SPATA13: variants seen among roughly 807,000 people sequenced by gnomAD.
SPATA13 encodes the protein spermatogenesis associated 13.
In SPATA13, 50 loss-of-function variants were observed where a neutral mutation model predicts 104.0. The observed-to-expected ratio is 0.48, with a 90% confidence interval of 0.38 to 0.61. The LOEUF (loss-of-function observed/expected upper bound fraction) is 0.61, where lower values mean the gene tolerates loss of function less well. Ranked by LOEUF, SPATA13 falls within the 20% of genes least tolerant of loss-of-function variation. SPATA13 has a pLI of 0.00. For synonymous variants in SPATA13, 606 were observed against 667.5 expected, an observed-to-expected ratio of 0.91 and a Z score of 1.42; for missense variants, 1,524 against 1,690.6, an observed-to-expected ratio of 0.90 and a Z score of 1.73.
chr13:24,118,500 G>A (rs375641139), intron 3 of SPATA13, among the ~76,000 whole-genome samples: 1 of 152,084 alleles, frequency 6.6e-6, no homozygotes, highest in Non-Finnish European at 1.5e-5. Context: ...TGTCAGATGT[G>A]GCTCATTCAT....
intron 2 of SPATA13, among the ~76,000 whole-genome samples, chr13:23,993,406 A>G (rs555690532): frequency 2.0e-5 from 3 of 152,352 alleles, no homozygotes; most frequent in South Asian, 2.1e-4. Flanking sequence ...TCTTCCTAGC[A>G]GTGTACTACC....
At chr13:24,142,926 G>A (rs1881809419) in intron 3 of SPATA13, among the ~76,000 whole-genome samples, 1 of 152,168 alleles carries the variant, frequency 6.6e-6, no homozygotes, top group South Asian at 2.1e-4. Context: ...CTCCTTTCTT[G>A]CAGGGCTGAA....
Position 24,278,911 on chromosome 13 carries a change from TC to T in SPATA13, c.2165-5222del. On this transcript the variant is annotated intron_variant, in intron 4 of 12. Coordinates refer to ENST00000382108, the MANE Select transcript of SPATA13 (RefSeq NM_001166271.3). Reference sequence around the variant, plus strand: ...TTCCTTCCTTCCTTCCTTCCTTCCTTCCTTCCTTCCTTCCCTCTTTCCTTCC... The same window carrying T: ...TTCCTTCCTTCCTTCCTTCCTTCCTTCTTCCTTCCTTCCCTCTTTCCTTCC... 8 of 1,264,724 alleles carry T rather than the reference TC, an allele frequency of 6.3e-6. No individual in the cohort carries two copies. The South Asian group carries it at 1.0e-4, about 16-fold the overall frequency. 78.3% of individuals were successfully genotyped at this position (1,264,724 alleles called of 1,614,324 possible).
upstream of SPATA13, among the ~76,000 whole-genome samples, chr13:24,160,389 G>C (rs1882418183): frequency 6.6e-6 from 1 of 152,132 alleles, no homozygotes; most frequent in South Asian, 2.1e-4. Flanking sequence ...GGGATCACAG[G>C]CGCCTGTCAC....
chr13:23,984,290 T>C (rs1316249596), intron 2 of SPATA13, among the ~76,000 whole-genome samples: 4 of 152,254 alleles, frequency 2.6e-5, no homozygotes, highest in African/African-American at 9.6e-5. Context: ...AGTTTCGGTA[T>C]TCACCAGTCA....
chr13:24,209,754 T>A (rs531175969), intron 1 of SPATA13, among the ~76,000 whole-genome samples: 57 of 152,214 alleles, frequency 3.7e-4, no homozygotes, highest in African/African-American at 1.4e-3. Context: ...TTTTGAGGTG[T>A]TGATTTCGTT....
rs201693503 is a variant in SPATA13 at position 24,286,178 on chromosome 13, G to A, written c.2302-36G>A. ...CTCCCTCACCATCCCGCCCACTCGT[G>A]CTCTATGCTGAGCGCACCCCACTGT... On this transcript the variant is annotated intron_variant, in intron 5 of 12. Coordinates refer to ENST00000382108, the MANE Select transcript of SPATA13 (RefSeq NM_001166271.3). The surrounding 1 kb of genome is among the most constrained non-coding windows in gnomAD (Gnocchi z 4.9). 7 of 1,570,556 alleles carry A rather than the reference G, an allele frequency of 4.5e-6. No homozygotes were observed. The highest frequency in any genetic ancestry group is 2.7e-5 in the African/African-American group (2 of 73,948).
In SPATA13 at chr13:24,275,343, A is replaced by G. The variant is rs930304232; in HGVS notation, c.2165-8792A>G. ...GTGTTTCTAGGAGTGATGGTTAACC[A>G]TGGTTATTGAACAAGAGCATTATAA... On this transcript the variant is annotated intron_variant, in intron 4 of 12. Coordinates refer to ENST00000382108, the MANE Select transcript of SPATA13 (RefSeq NM_001166271.3). 2.0e-5 allele frequency among the ~76,000 whole-genome samples: 3 copies of G among 152,228 alleles called. No homozygotes were observed. In the South Asian group the frequency reaches 6.2e-4, roughly 32 times the overall value.
In SPATA13 at chr13:24,273,745, G is replaced by T. The variant is rs79403644; in HGVS notation, c.2165-10390G>T. On this transcript the variant is annotated intron_variant, in intron 4 of 12. Coordinates refer to ENST00000382108, the MANE Select transcript of SPATA13 (RefSeq NM_001166271.3). ...CTAACATGTTTATAGAACATCAAAG[G>T]CAGATATTGTTATGGCAGAGGATCA... Among the ~76,000 whole-genome samples, 897 of 152,288 alleles carry T rather than the reference G, an allele frequency of 5.9e-3. 10 individuals are homozygous for T. The highest frequency in any genetic ancestry group is 0.02 in the African/African-American group (822 of 41,556).
chr13:24,287,578 G>A (rs1876046983), intron 7 of SPATA13, among the ~76,000 whole-genome samples: 1 of 152,286 alleles, frequency 6.6e-6, no homozygotes, highest in Admixed American at 6.5e-5. Context: ...AAGAGTCAAA[G>A]GTTTGTCACT....
chr13:24,181,761 C>CTTTTT (rs374662974), intron 1 of SPATA13, among the ~76,000 whole-genome samples: 4 of 144,990 alleles, frequency 2.8e-5, no homozygotes, highest in Non-Finnish European at 4.5e-5. Flanking sequence ...TTACAGTTGA[C>CTTTTT]TTTTTTTTTT....
intron 3 of SPATA13, among the ~76,000 whole-genome samples, chr13:24,019,274 G>C (rs1309863750): frequency 1.3e-5 from 2 of 151,552 alleles, no homozygotes; most frequent in Non-Finnish European, 2.9e-5. Flanking sequence ...ATTTTTAGTA[G>C]AGACGGGGTT....
In SPATA13 at chr13:24,223,441, G is replaced by C. The variant is rs1021150654; in HGVS notation, c.512G>C (p.Gly171Ala). The C allele has an allele frequency of 6.4e-7, 1 of 1,550,694 alleles. No individual in the cohort carries two copies. The highest frequency in any genetic ancestry group is 1.4e-5 in the African/African-American group (1 of 73,062). The change falls in exon 2 of 13, where the codon GGT becomes GCT. Residue 171 changes from glycine (G) to alanine (A), a missense_variant. Around this residue, in one of 2 missense-constraint regions of SPATA13, gnomAD observed 1,089 missense variants for 1,135.9 expected, o/e 0.96. Coordinates refer to ENST00000382108, the MANE Select transcript of SPATA13 (RefSeq NM_001166271.3). ...CCCTTAGCACCGGGACCAGCATGTG[G>C]TGCCCTCAGGCCAGCAGAGTGGGGC... is the stretch of plus-strand genomic sequence containing the variant. ...GSPLAPGPAC[G>A]ALRPAEWGTL...
At chr13:24,170,439 C>A (rs1476806965) in intron 1 of SPATA13, among the ~76,000 whole-genome samples, 1 of 152,200 alleles carries the variant, frequency 6.6e-6, no homozygotes, top group Non-Finnish European at 1.5e-5. Flanking sequence ...CACTACTCAT[C>A]TCCTTCAGTT....
chr13:24,039,159 A>G (rs922567562), intron 3 of SPATA13, among the ~76,000 whole-genome samples: 1 of 152,356 alleles, frequency 6.6e-6, no homozygotes, highest in South Asian at 2.1e-4. Context: ...TGTGCACACA[A>G]TGAATAAAAC....
intron 4 of SPATA13, chr13:24,272,866 G>T (rs1034353522): frequency 3.9e-5 from 6 of 152,482 alleles, no homozygotes; most frequent in East Asian, 3.9e-4. Flanking sequence ...AGCGCTGAGC[G>T]CAGTGCCTGG....
chr13:24,013,706 CT>C (rs59130588), intron 2 of SPATA13, among the ~76,000 whole-genome samples: 1,800 of 135,788 alleles, frequency 0.013, 26 homozygotes, highest in African/African-American at 0.041. Context: ...TTTTTTTCCA[CT>C]TTTTTTTTTT....
intron 3 of SPATA13, among the ~76,000 whole-genome samples, chr13:24,149,047 T>G (rs1428431663): frequency 6.6e-6 from 1 of 152,166 alleles, no homozygotes; most frequent in African/African-American, 2.4e-5. Flanking sequence ...GATTTGAATG[T>G]CACGGTAAAC....
At chr13:24,082,964 T>C (rs1879591232) in intron 3 of SPATA13, among the ~76,000 whole-genome samples, 1 of 152,234 alleles carries the variant, frequency 6.6e-6, no homozygotes, top group Non-Finnish European at 1.5e-5. Flanking sequence ...GTAGTATTTT[T>C]TGTGTAATTT....
Sources: allele counts gnomAD v4.1 joint callset (sites outside exome capture counted in the v4.1 genomes callset), GRCh38; gene constraint gnomAD v4.1.1; regional missense constraint gnomAD v4.1.1; non-coding constraint Gnocchi (gnomAD v3.1); transcripts MANE v1.5; gene names NCBI Gene and HGNC (gene_info 2026-07-23, HGNC 2026-07-21).